Variants in PDE4D observed in about 807,000 individuals in gnomAD.
The protein encoded by PDE4D is 3',5'-cyclic-AMP phosphodiesterase 4D.
Under a neutral mutation model 87.4 loss-of-function variants are expected in PDE4D, and 24 were observed. That is an observed-to-expected ratio of 0.27 (90% CI 0.20 to 0.39). PDE4D has a LOEUF of 0.39. Among genes scored for constraint, PDE4D ranks in the 10% least tolerant of loss-of-function variants. PDE4D has a pLI of 1.00. For missense variants in PDE4D, 714 were observed against 1,041.0 expected (o/e 0.69, Z 4.32); for synonymous variants, 384 against 383.2 (o/e 1.00, Z -0.02).
Position 59,754,781 on chromosome 5 carries a change from G to T in PDE4D, c.455+138387C>A, listed in dbSNP as rs954445785. 1.8e-3 allele frequency among the ~76,000 whole-genome samples: 237 copies of T among 134,670 alleles called. 3 individuals are homozygous for T. Among genetic ancestry groups the T allele is most frequent in the African/African-American group, 6.2e-3 (224 of 36,394 alleles). 88.3% of individuals were successfully genotyped at this position (134,670 alleles called of 152,430 possible). A position where few individuals can be genotyped will look rare whatever the true frequency, so the allele number is the denominator to read the frequency against. ...TTGGAATCTACCATTGGCAGGTACA[G>T]AATTTTCCACAGAACATTTTTTTTT... On this transcript the variant is annotated intron_variant, in intron 1 of 14. Transcript: ENST00000340635.
At chr5:59,914,988 T>C (rs1332593445) in intron 3 of PDE4D, among the ~76,000 whole-genome samples, 1 of 151,602 alleles carries the variant, frequency 6.6e-6, no homozygotes, top group Non-Finnish European at 1.5e-5. Flanking sequence ...GTGCTTCTAT[T>C]GAGTGAAGTG....
At chr5:59,703,863 T>C (rs1004793748) in intron 1 of PDE4D, among the ~76,000 whole-genome samples, 1 of 152,160 alleles carries the variant, frequency 6.6e-6, no homozygotes, top group Non-Finnish European at 1.5e-5. Flanking sequence ...CCTGCTATTA[T>C]GACAGGTCCT....
Position 59,690,545 on chromosome 5 carries a change from G to A in PDE4D, c.455+202623C>T, listed in dbSNP as rs878969992. ...AGAAAGCTGAAACTGGATCTCTTCC[G>A]TACACCTTATACAAAAATTAATTCA... is the stretch of plus-strand genomic sequence containing the variant. On this transcript the variant is annotated intron_variant, in intron 1 of 14. Transcript: ENST00000340635. Among the ~76,000 whole-genome samples, 25 of 151,932 alleles carry A rather than the reference G, an allele frequency of 1.6e-4. 1 individual carries two copies. The highest frequency in any genetic ancestry group is 6.3e-3 in the Middle Eastern group (2 of 316).
chr5:59,931,256 TGTAA>T (rs973953030), intron 3 of PDE4D, among the ~76,000 whole-genome samples: 1 of 152,274 alleles, frequency 6.6e-6, no homozygotes, highest in Admixed American at 6.5e-5. Context: ...GACCATTTCA[TGTAA>T]GTTTCTTTCA....
chr5:59,651,625 A>G (rs1455079320), intron 1 of PDE4D, among the ~76,000 whole-genome samples: 3 of 152,124 alleles, frequency 2.0e-5, no homozygotes, highest in East Asian at 3.9e-4. Context: ...CCATATCTTG[A>G]CATTAAAAGA....
intron 2 of PDE4D, among the ~76,000 whole-genome samples, chr5:60,033,821 C>G (rs982760209): frequency 2.0e-5 from 3 of 152,150 alleles, no homozygotes. Flanking sequence ...GTAAAGCACC[C>G]AGAGAAATTT....
At chr5:60,052,427 A>T (rs1770280557) in intron 2 of PDE4D, among the ~76,000 whole-genome samples, 1 of 152,218 alleles carries the variant, frequency 6.6e-6, no homozygotes, top group Non-Finnish European at 1.5e-5. Flanking sequence ...AACAGAACCA[A>T]TGACAAAAAC....
At chr5:59,803,355 G>A (rs1767372826) in intron 1 of PDE4D, among the ~76,000 whole-genome samples, 1 of 149,226 alleles carries the variant, frequency 6.7e-6, no homozygotes, top group African/African-American at 2.5e-5. Context: ...CTGGAGTGCA[G>A]TGGCGCCATC....
intron 1 of PDE4D, among the ~76,000 whole-genome samples, chr5:59,310,168 CCATT>C (rs1443830734): frequency 6.6e-6 from 1 of 152,148 alleles, no homozygotes; most frequent in African/African-American, 2.4e-5. Context: ...TGAGCCTAGG[CCATT>C]CAAAGACTGG....
chr5:60,322,713 G>A (rs1162633230), intron 1 of PDE4D, among the ~76,000 whole-genome samples: 1 of 152,090 alleles, frequency 6.6e-6, no homozygotes, highest in Non-Finnish European at 1.5e-5. Context: ...GCATACTCAA[G>A]TCTCTTCCAT....
intron 1 of PDE4D, among the ~76,000 whole-genome samples, chr5:60,201,636 A>C (rs1372080237): frequency 6.6e-6 from 1 of 152,126 alleles, no homozygotes; most frequent in Non-Finnish European, 1.5e-5. Flanking sequence ...AACAATATCA[A>C]CATTTTTCCA....
chr5:60,341,700 T>C (rs1167515862), intron 1 of PDE4D, among the ~76,000 whole-genome samples: 2 of 152,186 alleles, frequency 1.3e-5, no homozygotes, highest in Non-Finnish European at 2.9e-5. Flanking sequence ...ACTGTGTTGC[T>C]ATTACCCTGC....
chr5:59,430,961 G>A (rs1245569959), intron 1 of PDE4D, among the ~76,000 whole-genome samples: 1 of 151,966 alleles, frequency 6.6e-6, no homozygotes, highest in Non-Finnish European at 1.5e-5. Flanking sequence ...TGTTATGGGC[G>A]GTTTTCCAAT....
chr5:59,068,808 A>G (rs946172428), intron 5 of PDE4D, among the ~76,000 whole-genome samples: 1 of 152,202 alleles, frequency 6.6e-6, no homozygotes, highest in African/African-American at 2.4e-5. Flanking sequence ...TGTAAGTCTC[A>G]GTTTCCTCCT....
intron 1 of PDE4D, among the ~76,000 whole-genome samples, chr5:59,326,684 C>T (rs373063227): frequency 1.3e-5 from 2 of 152,120 alleles, no homozygotes; most frequent in African/African-American, 4.8e-5. Flanking sequence ...TTATGCCCTG[C>T]ACTACAGACA....
chr5:59,587,638 C>T (rs192852970), intron 1 of PDE4D: 1 of 984,884 alleles, frequency 1.0e-6, no homozygotes, highest in East Asian at 1.1e-4. Context: ...AGCAGCCTGG[C>T]TCAGCTGCAG....
intron 1 of PDE4D, among the ~76,000 whole-genome samples, chr5:59,890,026 C>T (rs1750723547): frequency 6.6e-6 from 1 of 152,142 alleles, no homozygotes; most frequent in East Asian, 1.9e-4. Flanking sequence ...AACAAGATTC[C>T]TCTTTCCCAT....
chr5:60,222,800 G>A (rs568830827), intron 1 of PDE4D, among the ~76,000 whole-genome samples: 10 of 151,924 alleles, frequency 6.6e-5, no homozygotes, highest in African/African-American at 2.4e-4. Context: ...TCCTTTCACA[G>A]GACTGTTAAT....
chr5:60,508,320 A>G (rs1209297105), intron 1 of PDE4D, among the ~76,000 whole-genome samples: 2 of 152,198 alleles, frequency 1.3e-5, no homozygotes, highest in African/African-American at 2.4e-5. Context: ...TCCATGATCA[A>G]TTGAGAATTC....
Sources: gnomAD v4.1 joint callset for allele counts (sites outside exome capture counted in the v4.1 genomes callset) on GRCh38, gnomAD v4.1.1 for gene constraint, MANE v1.5 for transcripts, NCBI Gene and HGNC (gene_info 2026-07-23, HGNC 2026-07-21) for gene names.